NR6A1: variants seen among roughly 807,000 people sequenced by gnomAD.
The protein encoded by NR6A1 is retinoic acid receptor-related testis-associated receptor.
A neutral mutation model predicts 59.1 loss-of-function variants in NR6A1; 7 were observed. That is an observed-to-expected ratio of 0.12 (90% CI 0.07 to 0.22). The LOEUF is 0.22. Ranked by LOEUF, NR6A1 falls within the 10% of genes least tolerant of loss-of-function variation. The probability of loss-of-function intolerance (pLI) is 1.00; values close to 1 mark genes in which losing one functional copy is unlikely to be tolerated. For synonymous variants in NR6A1, 243 were observed against 236.1 expected (o/e 1.03, Z -0.27); for missense variants, 468 against 611.6 (o/e 0.77, Z 2.48).
intron 2 of NR6A1, among the ~76,000 whole-genome samples, chr9:124,623,827 A>G (rs933522263): frequency 3.3e-5 from 5 of 152,220 alleles, no homozygotes; most frequent in Non-Finnish European, 5.9e-5. Context: ...GTTAAAGAAG[A>G]ATGGATGTCT....
chr9:124,589,447 AAAAC>A (rs147880071), intron 2 of NR6A1, among the ~76,000 whole-genome samples: 2,706 of 152,330 alleles, frequency 0.018, 79 homozygotes, highest in African/African-American at 0.061. Flanking sequence ...CTCCGTCTCA[AAAAC>A]AAACAAACAA....
At chr9:124,633,402 CAAAAA>C (rs11337023) in intron 2 of NR6A1, among the ~76,000 whole-genome samples, 4 of 72,760 alleles carry the variant, frequency 5.5e-5, no homozygotes, top group South Asian at 4.7e-4. Context: ...AACTCCGTCT[CAAAAA>C]AAAAAAAAAA....
At chr9:124,559,071 G>A (rs183769826) in intron 2 of NR6A1, among the ~76,000 whole-genome samples, 1 of 152,294 alleles carries the variant, frequency 6.6e-6, no homozygotes, top group East Asian at 1.9e-4. Flanking sequence ...AACAGTCAAT[G>A]AGCACCAACT....
At chr9:124,551,562 TA>T (rs1320045329) in intron 3 of NR6A1, among the ~76,000 whole-genome samples, 4 of 152,232 alleles carry the variant, frequency 2.6e-5, no homozygotes, top group African/African-American at 9.6e-5. Flanking sequence ...TGTTTGTATG[TA>T]ATTCTTTTTG....
chr9:124,599,280 T>G (rs1835376354), intron 2 of NR6A1: 1 of 405,334 alleles, frequency 2.5e-6, no homozygotes, highest in South Asian at 2.2e-5. Context: ...CCATCTCTAC[T>G]AAAAATACAA....
intron 2 of NR6A1, among the ~76,000 whole-genome samples, chr9:124,604,721 G>A (rs571932053): frequency 1.3e-5 from 2 of 152,176 alleles, no homozygotes; most frequent in African/African-American, 4.8e-5. Flanking sequence ...GAGATGGGAG[G>A]ATTGCTTCTT....
chr9:124,671,530 T>C (rs1233832792), intron 2 of NR6A1, among the ~76,000 whole-genome samples: 11 of 152,104 alleles, frequency 7.2e-5, no homozygotes, highest in Non-Finnish European at 1.6e-4. Context: ...AACTGAAAAA[T>C]AACTCAAATA....
chr9:124,584,096 CTTTT>C (rs557906470), intron 2 of NR6A1, among the ~76,000 whole-genome samples: 1 of 133,102 alleles, frequency 7.5e-6, no homozygotes, highest in African/African-American at 2.8e-5. Context: ...TTGCACTTGG[CTTTT>C]TTTTTTTTTT....
chr9:124,770,602 C>T (rs1413047821), intron 1 of NR6A1, among the ~76,000 whole-genome samples: 1 of 124,960 alleles, frequency 8.0e-6, no homozygotes, highest in African/African-American at 3.1e-5. Flanking sequence ...TGACGGACCG[C>T]GGTGGGGACT....
At chr9:124,606,564 CA>C (rs772857765) in intron 2 of NR6A1, among the ~76,000 whole-genome samples, 44 of 152,276 alleles carry the variant, frequency 2.9e-4, no homozygotes, top group Admixed American at 4.6e-4. Context: ...AACTTGGTAT[CA>C]AATAGCAACT....
Position 124,538,224 on chromosome 9 carries a change from C to G in NR6A1, c.692G>C (p.Ser231Thr), listed in dbSNP as rs1833338632. The change falls in exon 6 of 10, where the codon AGC becomes ACC. Residue 231 changes from serine to threonine, a missense_variant. Physicochemically the swap from Ser to Thr is moderately conservative, Grantham distance 58. This residue lies in a region of NR6A1 where 151 missense variants were observed against 142.8 expected (regional missense o/e 1.06). Coordinates refer to ENST00000487099, the MANE Select transcript of NR6A1 (RefSeq NM_033334.4). Reference protein sequence around the residue: ...PHYQYIPHLFSYSGHSPLLPQ... With the variant: ...PHYQYIPHLFTYSGHSPLLPQ... ...CAGAAGTGGTGAGTGGCCAGAATAGCTAAAAAGGTGCGGTATATATTGGTA... is the reference window on the plus strand; with the variant it reads ...CAGAAGTGGTGAGTGGCCAGAATAGGTAAAAAGGTGCGGTATATATTGGTA... The G allele has an allele frequency of 6.2e-7, 1 of 1,613,980 alleles. No individual in the cohort carries two copies. Among genetic ancestry groups the G allele is most frequent in the Non-Finnish European group, 8.5e-7 (1 of 1,180,022 alleles).
chr9:124,639,658 C>A (rs1222816628), intron 2 of NR6A1, among the ~76,000 whole-genome samples: 1 of 152,162 alleles, frequency 6.6e-6, no homozygotes, highest in Non-Finnish European at 1.5e-5. Context: ...AGAGGACCAA[C>A]AGAGAGCAAC....
intron 2 of NR6A1, among the ~76,000 whole-genome samples, chr9:124,725,969 A>C (rs1200838242): frequency 6.6e-6 from 1 of 152,170 alleles, no homozygotes; most frequent in African/African-American, 2.4e-5. Flanking sequence ...GAATCTTGCC[A>C]GATGTAGCTA....
chr9:124,661,706 A>C (rs561747528), intron 2 of NR6A1, among the ~76,000 whole-genome samples: 5 of 152,354 alleles, frequency 3.3e-5, no homozygotes, highest in South Asian at 4.1e-4. Flanking sequence ...ATTACTCACC[A>C]AACACAAACA....
At chr9:124,753,577 A>T (rs1311397257) in intron 1 of NR6A1, among the ~76,000 whole-genome samples, 4 of 152,230 alleles carry the variant, frequency 2.6e-5, no homozygotes, top group Admixed American at 6.5e-5. Context: ...CAGTTTACTC[A>T]TCTATAATAA....
At chr9:124,682,506 C>T (rs987031715) in intron 2 of NR6A1, among the ~76,000 whole-genome samples, 9 of 152,114 alleles carry the variant, frequency 5.9e-5, no homozygotes, top group African/African-American at 9.7e-5. Context: ...TGAAGTCAGA[C>T]ATTAAAGAGA....
At chr9:124,756,798 C>T (rs1370616375) in intron 1 of NR6A1, among the ~76,000 whole-genome samples, 1 of 152,182 alleles carries the variant, frequency 6.6e-6, no homozygotes, top group South Asian at 2.1e-4. Flanking sequence ...TTAGAAGACA[C>T]ACGCACATCA....
chr9:124,729,310 G>C lies in NR6A1; in HGVS notation c.142+3998C>G, dbSNP rs992135712. On this transcript the variant is annotated intron_variant, in intron 2 of 9. Coordinates refer to ENST00000487099, the MANE Select transcript of NR6A1 (RefSeq NM_033334.4). ...CTTTTCTGGTATGTTTATGGAAAAT[G>C]TATGAAAGAAACAAGTTTTGATTAT... 1.1e-4 allele frequency among the ~76,000 whole-genome samples: 16 copies of C among 152,276 alleles called. No individual in the cohort carries two copies. The South Asian group carries it at 2.7e-3, about 26-fold the overall frequency.
At chr9:124,676,987 C>T (rs1166296285) in intron 2 of NR6A1, among the ~76,000 whole-genome samples, 6 of 152,160 alleles carry the variant, frequency 3.9e-5, no homozygotes, top group African/African-American at 1.2e-4. Flanking sequence ...AAGATCAAAA[C>T]TGCGTTTGTC....
Sources: allele counts gnomAD v4.1 joint callset (sites outside exome capture counted in the v4.1 genomes callset), GRCh38; gene constraint gnomAD v4.1.1; regional missense constraint gnomAD v4.1.1; transcripts MANE v1.5; gene names NCBI Gene and HGNC (gene_info 2026-07-23, HGNC 2026-07-21).